Variants in COL19A1 observed in about 807,000 individuals in gnomAD.
The protein encoded by COL19A1 is collagen alpha-1(XIX) chain.
Under a neutral mutation model 190.2 loss-of-function variants are expected in COL19A1, and 159 were observed. The ratio of observed to expected loss-of-function variants is 0.84; its 90% CI spans 0.73 to 0.95. COL19A1 has a LOEUF of 0.95. Among genes scored for constraint, COL19A1 ranks in the 40% least tolerant of loss-of-function variants. The probability of loss-of-function intolerance (pLI) is 0.00; values close to 1 mark genes in which losing one functional copy is unlikely to be tolerated. For missense variants in COL19A1, 1,418 were observed against 1,431.9 expected (o/e 0.99, Z 0.16); for synonymous variants, 509 against 458.9 (o/e 1.11, Z -1.39).
chr6:69,989,339 A>G lies in COL19A1; in HGVS notation c.1026+26469A>G, dbSNP rs185520056. ...CTGCCTGCCTTTCCAATTTAGTTTCATAGAATTTTCCTTTTTCGGAATCCT... is the reference window on the plus strand; with the variant it reads ...CTGCCTGCCTTTCCAATTTAGTTTCGTAGAATTTTCCTTTTTCGGAATCCT... On this transcript the variant is annotated intron_variant, in intron 11 of 50. Coordinates refer to ENST00000620364, the MANE Select transcript of COL19A1 (RefSeq NM_001858.6). Among the ~76,000 whole-genome samples, 5 of 152,182 alleles carry G rather than the reference A, an allele frequency of 3.3e-5. No individual in the cohort carries two copies. The East Asian group carries it at 9.7e-4, about 29-fold the overall frequency.
At chr6:69,925,771 G>T (rs1490429744) in intron 4 of COL19A1, among the ~76,000 whole-genome samples, 1 of 148,294 alleles carries the variant, frequency 6.7e-6, no homozygotes, top group South Asian at 2.2e-4. Flanking sequence ...TTGAGCAGTG[G>T]TTTGTAGTTC....
chr6:70,182,826 C>T (rs1321204933), intron 44 of COL19A1, among the ~76,000 whole-genome samples: 2 of 152,112 alleles, frequency 1.3e-5, no homozygotes, highest in Non-Finnish European at 2.9e-5. Flanking sequence ...TTTGATGACA[C>T]AGGAGAGTGA....
At chr6:69,894,867 T>C (rs1237451705) in intron 2 of COL19A1, among the ~76,000 whole-genome samples, 1 of 152,166 alleles carries the variant, frequency 6.6e-6, no homozygotes, top group Non-Finnish European at 1.5e-5. Flanking sequence ...AATTAAGCTT[T>C]ACAGAAAAAA....
intron 49 of COL19A1, among the ~76,000 whole-genome samples, chr6:70,203,476 C>T (rs923728738): frequency 6.6e-6 from 1 of 152,072 alleles, no homozygotes; most frequent in African/African-American, 2.4e-5. Context: ...GTGTGTGTGT[C>T]AAAATGACTG....
chr6:70,056,506 T>A (rs1323246992), intron 14 of COL19A1, among the ~76,000 whole-genome samples: 1 of 152,160 alleles, frequency 6.6e-6, no homozygotes. Context: ...GAACTACACT[T>A]ACCTCTCCTC....
chr6:70,110,545 G>C (rs926909050), intron 16 of COL19A1, among the ~76,000 whole-genome samples: 2 of 152,144 alleles, frequency 1.3e-5, no homozygotes, highest in African/African-American at 4.8e-5. Flanking sequence ...CCTCATGGGG[G>C]TAATGGTCCC....
chr6:69,948,228 G>A (rs542473895), intron 9 of COL19A1, among the ~76,000 whole-genome samples: 74 of 151,898 alleles, frequency 4.9e-4, no homozygotes, highest in African/African-American at 1.8e-3. Context: ...CAGAATCACC[G>A]AAGCGCTTGA....
chr6:69,988,175 T>C (rs1221839941), intron 11 of COL19A1, among the ~76,000 whole-genome samples: 1 of 152,206 alleles, frequency 6.6e-6, no homozygotes, highest in Non-Finnish European at 1.5e-5. Flanking sequence ...CCCATTCTTA[T>C]ATGTTCATTC....
At position 70,033,175 on chromosome 6, in the gene COL19A1, A is replaced by G. The variant is rs530422015; in HGVS notation, c.1081-1070A>G. On this transcript the variant is annotated intron_variant, in intron 12 of 50. Transcript: ENST00000620364. ...TGTTTTTCTTAAAGTATAATACTAC[A>G]ATTTTCACACACTGTCTGCAACAGG... Among the ~76,000 whole-genome samples, 7 of 152,284 alleles carry G rather than the reference A, an allele frequency of 4.6e-5. No homozygotes were observed. The South Asian group carries it at 1.5e-3, about 32-fold the overall frequency.
At chr6:69,977,188 A>G (rs1775760306) in intron 11 of COL19A1, among the ~76,000 whole-genome samples, 1 of 152,184 alleles carries the variant, frequency 6.6e-6, no homozygotes, top group Admixed American at 6.5e-5. Context: ...GATAGACTGG[A>G]TTAAGAAAAT....
At chr6:70,142,159 C>T in intron 22 of COL19A1, 83 bp downstream of exon 22, 1 of 1,249,322 alleles carries the variant, frequency 8.0e-7, no homozygotes, top group Non-Finnish European at 1.1e-6. Flanking sequence ...CTTTGGTATG[C>T]CACTCATTTT....
At chr6:70,148,145 T>A (rs1170812908) in intron 27 of COL19A1, among the ~76,000 whole-genome samples, 2 of 152,064 alleles carry the variant, frequency 1.3e-5, no homozygotes, top group Non-Finnish European at 2.9e-5. Flanking sequence ...CTTCATCATG[T>A]CAGCAAGATT....
At chr6:70,029,263 A>G (rs1301447246) in intron 12 of COL19A1, among the ~76,000 whole-genome samples, 4 of 152,186 alleles carry the variant, frequency 2.6e-5, no homozygotes, top group Admixed American at 6.6e-5. Context: ...TCTGAATTTT[A>G]AAGATATGAT....
At chr6:70,084,564 A>ATTCT (rs1782470927) in intron 15 of COL19A1, among the ~76,000 whole-genome samples, 2 of 152,222 alleles carry the variant, frequency 1.3e-5, no homozygotes, top group South Asian at 4.1e-4. Flanking sequence ...CTGACACAGA[A>ATTCT]GTTTCTCTGC....
At chr6:69,867,652 T>A (rs1289441261) in intron 1 of COL19A1, 1 of 151,584 alleles carries the variant, frequency 6.6e-6, no homozygotes. Flanking sequence ...GCGAACCCCC[T>A]TAGAGGTTAC....
intron 11 of COL19A1, among the ~76,000 whole-genome samples, chr6:69,966,730 A>G (rs1386147857): frequency 6.6e-6 from 1 of 151,638 alleles, no homozygotes; most frequent in African/African-American, 2.4e-5. Flanking sequence ...ACCCCGCCAA[A>G]TCCCCCTCTC....
At chr6:70,086,657 C>CA (rs1284437544) in intron 15 of COL19A1, among the ~76,000 whole-genome samples, 2 of 152,028 alleles carry the variant, frequency 1.3e-5, no homozygotes, top group African/African-American at 4.8e-5. Context: ...TTATCTACAG[C>CA]AAAAACAAAA....
chr6:70,161,963 T>C lies in COL19A1; in HGVS notation c.2346+10T>C. 6.3e-7 allele frequency: 1 copy of C among 1,589,434 alleles called. No homozygotes were observed. On this transcript the variant is annotated intron_variant, in intron 35 of 50. Coordinates refer to ENST00000620364, the MANE Select transcript of COL19A1 (RefSeq NM_001858.6). Reference sequence around the variant, plus strand: ...CCCGACTGGACCCCCTGTAAGTATTTGTTAAAACGATTGCACTCACAGCTT... The same window carrying C: ...CCCGACTGGACCCCCTGTAAGTATTCGTTAAAACGATTGCACTCACAGCTT...
chr6:69,904,853 A>C (rs1386412028), intron 4 of COL19A1, among the ~76,000 whole-genome samples: 1 of 152,112 alleles, frequency 6.6e-6, no homozygotes, highest in East Asian at 1.9e-4. Flanking sequence ...GTCCCTAGGC[A>C]CACGGCTTGT....
Sources: gnomAD v4.1 joint callset for allele counts (sites outside exome capture counted in the v4.1 genomes callset) on GRCh38, gnomAD v4.1.1 for gene constraint, MANE v1.5 for transcripts, NCBI Gene and HGNC (gene_info 2026-07-23, HGNC 2026-07-21) for gene names.